ZNF827: variants seen among roughly 807,000 people sequenced by gnomAD.
The protein encoded by ZNF827 is zinc finger protein 827.
Under a neutral mutation model 102.4 loss-of-function variants are expected in ZNF827, and 13 were observed. That is an observed-to-expected ratio of 0.13 (90% CI 0.08 to 0.20). The LOEUF (loss-of-function observed/expected upper bound fraction) is 0.20, where lower values mean the gene tolerates loss of function less well. Among genes scored for constraint, ZNF827 ranks in the 10% least tolerant of loss-of-function variants. ZNF827 has a pLI of 1.00. For synonymous variants in ZNF827, 523 were observed against 536.2 expected, an observed-to-expected ratio of 0.98 and a Z score of 0.34; for missense variants, 1,103 against 1,344.4, an observed-to-expected ratio of 0.82 and a Z score of 2.81.
rs545707387 is a variant in ZNF827, at chr4:145,867,801, G to C, written c.1981+2444C>G. Among the ~76,000 whole-genome samples, 29 of 152,266 alleles carry C rather than the reference G, an allele frequency of 1.9e-4. No homozygotes were observed. In the South Asian group the frequency reaches 4.4e-3, roughly 23 times the overall value. ...CAAGAACAGCTACAACAAAGCTTTG[G>C]GGGTATCAGCCAAGGCAAACTGGTG... On this transcript the variant is annotated intron_variant, in intron 5 of 14. Transcript: ENST00000508784.
At chr4:145,888,204 C>T (rs1392412593) in intron 3 of ZNF827, among the ~76,000 whole-genome samples, 1 of 152,146 alleles carries the variant, frequency 6.6e-6, no homozygotes, top group Non-Finnish European at 1.5e-5. Context: ...TTTTGAGCTA[C>T]AACTTCCCAA....
At chr4:145,920,813 T>C (rs969665269) in intron 1 of ZNF827, among the ~76,000 whole-genome samples, 2 of 152,260 alleles carry the variant, frequency 1.3e-5, no homozygotes, top group African/African-American at 4.8e-5. Flanking sequence ...CTCCTATTTC[T>C]TGGATTCTGT....
chr4:145,863,315 C>T (rs1348283575), intron 5 of ZNF827, among the ~76,000 whole-genome samples: 2 of 152,176 alleles, frequency 1.3e-5, no homozygotes, highest in East Asian at 3.8e-4. Flanking sequence ...TGAAATGGTG[C>T]AGCTACTTTG....
chr4:145,902,615 A>G lies in ZNF827; in HGVS notation c.644T>C (p.Leu215Pro). Residue 215 changes from leucine (L) to proline (P), a missense_variant, in exon 2 of 15, where the codon CTG becomes CCG. Transcript: ENST00000508784. This position sits in a 1 kb window ranked among gnomAD's most constrained non-coding sequence, Gnocchi z 4.3. The stretch of plus-strand genomic sequence containing the variant: ...CAGAACGGCATTGGCTGCAGCTTTC[A>G]GTTTTAGGATGGCTGAATCCGGAGA... ...SLSPDSAILKLKAAANAVLQD... is the reference protein window; with the variant it reads ...SLSPDSAILKPKAAANAVLQD... 1 of 1,614,102 alleles carries G rather than the reference A, an allele frequency of 6.2e-7. No individual in the cohort carries two copies. Among genetic ancestry groups the G allele is most frequent in the Non-Finnish European group, 8.5e-7 (1 of 1,179,988 alleles).
At chr4:145,822,608 T>G (rs1743254671) in intron 8 of ZNF827, among the ~76,000 whole-genome samples, 1 of 151,822 alleles carries the variant, frequency 6.6e-6, no homozygotes, top group Non-Finnish European at 1.5e-5. Context: ...TACCGAGTGC[T>G]GCTGAGATCC....
At chr4:145,883,358 G>C (rs370348378) in intron 4 of ZNF827, among the ~76,000 whole-genome samples, 130 of 152,260 alleles carry the variant, frequency 8.5e-4, no homozygotes, top group Middle Eastern at 3.4e-3. Flanking sequence ...TTATCAGTCA[G>C]TAAATATTCT....
chr4:145,927,948 C>T lies in ZNF827; in HGVS notation c.43+10417G>A, dbSNP rs547250010. Among the ~76,000 whole-genome samples, 5 of 152,212 alleles carry T rather than the reference C, an allele frequency of 3.3e-5. No homozygotes were observed. The South Asian group carries it at 6.2e-4, about 19-fold the overall frequency. On this transcript the variant is annotated intron_variant, in intron 1 of 14. Coordinates refer to ENST00000508784, the MANE Select transcript of ZNF827 (RefSeq NM_001306215.2). ...GCACAGAGATGGTTAAGTGACTTGCCCAAGGTCACAAAGCCAGTGAAAAAC... is the reference window on the plus strand; with the variant it reads ...GCACAGAGATGGTTAAGTGACTTGCTCAAGGTCACAAAGCCAGTGAAAAAC...
At chr4:145,931,910 T>TC (rs1177813692) in intron 1 of ZNF827, among the ~76,000 whole-genome samples, 8 of 152,116 alleles carry the variant, frequency 5.3e-5, no homozygotes, top group East Asian at 1.9e-4. Flanking sequence ...AATGTTGGTG[T>TC]CCCCCCCAAA....
intron 8 of ZNF827, among the ~76,000 whole-genome samples, chr4:145,780,036 C>A (rs1299440954): frequency 2.6e-5 from 4 of 152,096 alleles, no homozygotes; most frequent in African/African-American, 9.7e-5. Context: ...ACTAAAAATA[C>A]AAAGAGTAGC....
intron 5 of ZNF827, 66 bp from the exon 6 acceptor site, chr4:145,849,627 T>A: frequency 6.3e-7 from 1 of 1,597,296 alleles, no homozygotes; most frequent in Non-Finnish European, 8.5e-7. Flanking sequence ...TAGACCCAGT[T>A]TCTAATCACA....
At chr4:145,822,236 A>C (rs774167570) in intron 8 of ZNF827, among the ~76,000 whole-genome samples, 7 of 152,238 alleles carry the variant, frequency 4.6e-5, no homozygotes, top group Non-Finnish European at 8.8e-5. Flanking sequence ...AAAGCTAAAA[A>C]GCATGCAGGT....
Position 145,900,665 on chromosome 4 carries a change from C to G in ZNF827, c.1093+1501G>C, listed in dbSNP as rs1029317060. ...CCTCAGGTGACCCACCCGCCTTGGC[C>G]CCTCAAAGTGCTAGGATTACAGGTG... is the stretch of plus-strand genomic sequence containing the variant. On this transcript the variant is annotated intron_variant, in intron 2 of 14. Transcript: ENST00000508784. Among the ~76,000 whole-genome samples the G allele has an allele frequency of 3.9e-5, 6 of 152,078 alleles. No homozygotes were observed. The East Asian group carries it at 9.6e-4, about 24-fold the overall frequency.
rs1746304793 is a variant in ZNF827 at position 145,849,394 on chromosome 4, G to T, written c.2149C>A (p.Pro717Thr). Residue 717 changes from proline to threonine, a missense_variant, in exon 6 of 15, where the codon CCC becomes ACC. Pro to Thr is a conservative substitution (Grantham distance 38). This residue lies in a region of ZNF827 where 243 missense variants were observed against 251.6 expected (regional missense o/e 0.97). Coordinates refer to ENST00000508784, the MANE Select transcript of ZNF827 (RefSeq NM_001306215.2). ...PLQKMPEGRV[P>T]PERNLFSQDI... ...TGACTGAAGAGGTTTCTCTCTGGGGGTACTCTGCCCTCTGGCATCTTCTGT... is the reference window on the plus strand; with the variant it reads ...TGACTGAAGAGGTTTCTCTCTGGGGTTACTCTGCCCTCTGGCATCTTCTGT... 1 of 1,614,134 alleles carries T rather than the reference G, an allele frequency of 6.2e-7. No individual in the cohort carries two copies. Among genetic ancestry groups the T allele is most frequent in the Non-Finnish European group, 8.5e-7 (1 of 1,180,026 alleles).
chr4:145,778,965 A>G (rs186284071), intron 9 of ZNF827, among the ~76,000 whole-genome samples: 53 of 152,292 alleles, frequency 3.5e-4, no homozygotes, highest in African/African-American at 1.2e-3. Flanking sequence ...CTCCACAATT[A>G]TACATAAATA....
intron 7 of ZNF827, among the ~76,000 whole-genome samples, chr4:145,835,448 G>C (rs1239460153): frequency 6.6e-6 from 1 of 150,934 alleles, no homozygotes; most frequent in South Asian, 2.1e-4. Flanking sequence ...TGCCAACTTA[G>C]ACAACACTCT....
chr4:145,831,156 G>C (rs1349724933), intron 7 of ZNF827: 1 of 152,172 alleles, frequency 6.6e-6, no homozygotes, highest in African/African-American at 2.4e-5. Context: ...GGCAGGTTAG[G>C]GAATGTGGGG....
Position 145,916,817 on chromosome 4 carries a change from C to G in ZNF827, c.44-13602G>C, listed in dbSNP as rs564474176. Among the ~76,000 whole-genome samples, 3 of 152,324 alleles carry G rather than the reference C, an allele frequency of 2.0e-5. No individual in the cohort carries two copies. In the South Asian group the frequency reaches 6.2e-4, roughly 32 times the overall value. On this transcript the variant is annotated intron_variant, in intron 1 of 14. Coordinates refer to ENST00000508784, the MANE Select transcript of ZNF827 (RefSeq NM_001306215.2). ...CCTTCAACATTTTGCTTAGAAATTT[C>G]TCTCAAGAGATACCCTAGTTGATGG...
intron 9 of ZNF827, among the ~76,000 whole-genome samples, chr4:145,776,639 CA>C (rs1737156562): frequency 2.6e-5 from 4 of 151,856 alleles, no homozygotes; most frequent in African/African-American, 4.8e-5. Flanking sequence ...CCCCATGTGT[CA>C]GTCATGGGTG....
At chr4:145,896,337 T>C (rs895258755) in intron 2 of ZNF827, among the ~76,000 whole-genome samples, 4 of 152,122 alleles carry the variant, frequency 2.6e-5, no homozygotes, top group African/African-American at 9.7e-5. Flanking sequence ...CAGAAGTCCA[T>C]AGTGTGGCTC....
Sources: gnomAD v4.1 joint callset for allele counts (sites outside exome capture counted in the v4.1 genomes callset) on GRCh38, gnomAD v4.1.1 for gene constraint, gnomAD v4.1.1 regional missense constraint, Gnocchi (gnomAD v3.1) non-coding constraint, MANE v1.5 for transcripts, NCBI Gene and HGNC (gene_info 2026-07-23, HGNC 2026-07-21) for gene names.